The following GRIP1 variants were observed in gnomAD, a reference collection of about 807,000 sequenced individuals.
The protein encoded by GRIP1 is glutamate receptor interacting protein 1, also known as glutamate receptor-interacting protein 1.
Under a neutral mutation model 129.9 loss-of-function variants are expected in GRIP1, and 45 were observed. That is an observed-to-expected ratio of 0.35 (90% confidence interval 0.27 to 0.44). The LOEUF is 0.44. GRIP1 is among the 20% of genes least tolerant of loss of function. The pLI is 1.00. For synonymous variants in GRIP1, 530 were observed against 520.8 expected (o/e 1.02, Z -0.24); for missense variants, 1,196 against 1,396.8 (o/e 0.86, Z 2.29).
At chr12:66,597,030 G>C (rs1040276402) in intron 1 of GRIP1, 103 bp from the exon 2 acceptor site, 1 of 836,866 alleles carries the variant, frequency 1.2e-6, no homozygotes, top group African/African-American at 1.7e-5. Context: ...AAGTGGTACA[G>C]TACAGTGGAA....
intron 1 of GRIP1, among the ~76,000 whole-genome samples, chr12:66,725,181 A>C (rs1236509236): frequency 6.6e-6 from 1 of 152,066 alleles, no homozygotes; most frequent in Admixed American, 6.6e-5. Flanking sequence ...GCATTCCTGC[A>C]GTCCTAGCTA....
rs185947211 is a variant in GRIP1, at chr12:66,480,801, A to T, written c.725-15379T>A. Among the ~76,000 whole-genome samples the T allele has an allele frequency of 2.6e-5, 4 of 152,328 alleles. No individual in the cohort carries two copies. The East Asian group carries it at 7.7e-4, about 29-fold the overall frequency. On this transcript the variant is annotated intron_variant, in intron 7 of 24. Transcript: ENST00000359742. Reference sequence around the variant, plus strand: ...ATCTTTGAAAAACCTGACAAAAACAAGCAATGGGGAAAGTATTCCCTATTT... The same window carrying T: ...ATCTTTGAAAAACCTGACAAAAACATGCAATGGGGAAAGTATTCCCTATTT...
chr12:66,820,032 C>T (rs1005815876), intron 1 of GRIP1, among the ~76,000 whole-genome samples: 1 of 152,178 alleles, frequency 6.6e-6, no homozygotes, highest in Non-Finnish European at 1.5e-5. Flanking sequence ...AGCTTTACCT[C>T]CTGAAACCTG....
At chr12:66,768,074 G>C (rs961150960) in intron 1 of GRIP1, among the ~76,000 whole-genome samples, 2 of 152,152 alleles carry the variant, frequency 1.3e-5, no homozygotes, top group African/African-American at 4.8e-5. Flanking sequence ...AGAAATGCTA[G>C]AGTCACAGAA....
chr12:66,409,597 C>G (rs2057313569), intron 15 of GRIP1, among the ~76,000 whole-genome samples: 1 of 152,180 alleles, frequency 6.6e-6, no homozygotes. Context: ...ACTGCAAAGA[C>G]TATAATAAAT....
At chr12:67,040,781 G>C (rs189787969) in intron 1 of GRIP1, among the ~76,000 whole-genome samples, 1 of 152,174 alleles carries the variant, frequency 6.6e-6, no homozygotes, top group African/African-American at 2.4e-5. Flanking sequence ...ATAAAGGTTG[G>C]TTACTGTCAT....
chr12:66,571,497 C>A (rs554640532), intron 2 of GRIP1, among the ~76,000 whole-genome samples: 70 of 151,660 alleles, frequency 4.6e-4, no homozygotes, highest in African/African-American at 1.5e-3. Context: ...TTTTTCATTG[C>A]ATATTTTCCT....
At chr12:67,042,311 G>A (rs530697926) in intron 1 of GRIP1, among the ~76,000 whole-genome samples, 4 of 152,188 alleles carry the variant, frequency 2.6e-5, no homozygotes, top group South Asian at 2.1e-4. Context: ...TGATTTTGTG[G>A]GCATATGCTT....
intron 1 of GRIP1, among the ~76,000 whole-genome samples, chr12:66,796,319 T>A (rs1389181078): frequency 7.0e-6 from 1 of 143,414 alleles, no homozygotes; most frequent in Non-Finnish European, 1.5e-5. Flanking sequence ...AAAAAATGGA[T>A]TCGGAATTAA....
At chr12:66,783,313 C>T (rs769997672) in intron 1 of GRIP1, among the ~76,000 whole-genome samples, 1 of 152,152 alleles carries the variant, frequency 6.6e-6, no homozygotes, top group Non-Finnish European at 1.5e-5. Context: ...GGATTACAGG[C>T]GTGAGCCACC....
At chr12:66,939,528 T>A (rs1219726256) in intron 1 of GRIP1, among the ~76,000 whole-genome samples, 2 of 152,120 alleles carry the variant, frequency 1.3e-5, no homozygotes, top group Non-Finnish European at 2.9e-5. Flanking sequence ...AAGTAAAAGT[T>A]AGGCCCTGAA....
At chr12:66,607,127 T>C (rs2064573951) in intron 1 of GRIP1, among the ~76,000 whole-genome samples, 1 of 152,168 alleles carries the variant, frequency 6.6e-6, no homozygotes, top group Non-Finnish European at 1.5e-5. Context: ...GTCACTGATA[T>C]AGGGACTTGG....
At chr12:66,977,562 C>G (rs2042172399) in intron 1 of GRIP1, among the ~76,000 whole-genome samples, 1 of 152,092 alleles carries the variant, frequency 6.6e-6, no homozygotes, top group Non-Finnish European at 1.5e-5. Context: ...TGCCCCTTCT[C>G]AGTGTTTACC....
chr12:66,713,011 T>C (rs2035760446), intron 1 of GRIP1, among the ~76,000 whole-genome samples: 1 of 151,966 alleles, frequency 6.6e-6, no homozygotes. Flanking sequence ...CATGACATAC[T>C]CAAAAAATTG....
intron 1 of GRIP1, among the ~76,000 whole-genome samples, chr12:66,955,887 T>G (rs1343841798): frequency 1.3e-5 from 2 of 152,246 alleles, no homozygotes; most frequent in African/African-American, 4.8e-5. Flanking sequence ...ACCTGTTTTA[T>G]TCATTGAGTA....
chr12:66,991,257 A>G (rs2042390808), intron 1 of GRIP1, among the ~76,000 whole-genome samples: 1 of 152,228 alleles, frequency 6.6e-6, no homozygotes. Flanking sequence ...TGGGCAACAC[A>G]GCAAGACTCC....
At chr12:66,791,786 G>C (rs1265768974) in intron 1 of GRIP1, among the ~76,000 whole-genome samples, 1 of 152,146 alleles carries the variant, frequency 6.6e-6, no homozygotes, top group Admixed American at 6.5e-5. Context: ...CACCCGAATA[G>C]TGTACATTGT....
chr12:66,931,371 C>T (rs2137406386), intron 1 of GRIP1, among the ~76,000 whole-genome samples: 1 of 152,232 alleles, frequency 6.6e-6, no homozygotes, highest in African/African-American at 2.4e-5. Flanking sequence ...CCCTGACATC[C>T]TTGGAATTAT....
intron 16 of GRIP1, among the ~76,000 whole-genome samples, chr12:66,401,609 T>TATATATATATATATATATATATATACAC (rs1169241331): frequency 1.1e-4 from 12 of 110,176 alleles, no homozygotes; most frequent in African/African-American, 4.5e-4. Flanking sequence ...TATATATATA[T>TATATATATATATATATATATATATACAC]ACACACACAC....
Sources: allele counts gnomAD v4.1 joint callset (sites outside exome capture counted in the v4.1 genomes callset), GRCh38; gene constraint gnomAD v4.1.1; transcripts MANE v1.5; gene names NCBI Gene and HGNC (gene_info 2026-07-23, HGNC 2026-07-21).